GPATCH8: variants seen among roughly 807,000 people sequenced by gnomAD.
GPATCH8 encodes the protein G-patch domain containing 8.
GPATCH8 carries 18 observed loss-of-function variants against 118.3 expected under a neutral mutation model. That is an observed-to-expected ratio of 0.15 (90% CI 0.11 to 0.23). The LOEUF (loss-of-function observed/expected upper bound fraction) is 0.23, where lower values mean the gene tolerates loss of function less well. Among genes scored for constraint, GPATCH8 ranks in the 10% least tolerant of loss-of-function variants. The pLI, the probability that GPATCH8 is intolerant of heterozygous loss-of-function variation, is 1.00. For synonymous variants in GPATCH8, 659 were observed against 684.7 expected (o/e 0.96, Z 0.59); for missense variants, 1,631 against 1,873.8 (o/e 0.87, Z 2.39).
chr17:44,400,833 C>T lies in GPATCH8; in HGVS notation c.1244G>A (p.Arg415Lys), dbSNP rs773485801. ...KPNFPFLLFMRASEQMDGDNT... is the reference protein window; with the variant it reads ...KPNFPFLLFMKASEQMDGDNT... Reference sequence around the variant, plus strand: ...ATCACCATCCATTTGTTCACTGGCTCTCATAAAAAGTAGAAAGGGAAAATT... The same window carrying T: ...ATCACCATCCATTTGTTCACTGGCTTTCATAAAAAGTAGAAAGGGAAAATT... The change falls in exon 8 of 8, where the codon AGA becomes AAA. Residue 415 changes from arginine (R) to lysine (K), a missense_variant. By Grantham distance (26) the Arg-to-Lys change is conservative. Around this residue, in one of 8 missense-constraint regions of GPATCH8, gnomAD observed 405 missense variants for 462.7 expected, o/e 0.88. Transcript: ENST00000591680. 1 of 1,614,140 alleles carries T rather than the reference C, an allele frequency of 6.2e-7. No homozygotes were observed. Among genetic ancestry groups the T allele is most frequent in the Non-Finnish European group, 8.5e-7 (1 of 1,179,998 alleles).
At position 44,399,578 on chromosome 17, in the gene GPATCH8, T is replaced by G. The variant is rs374128961; in HGVS notation, c.2499A>C (p.Pro833=). The change falls in exon 8 of 8, where the codon CCA becomes CCC. Residue 833 remains proline, a synonymous_variant. Coordinates refer to ENST00000591680, the MANE Select transcript of GPATCH8 (RefSeq NM_001002909.4). ...CTTCTTCTTCCTCACTGTACTGGGATGGAGACTTCTGGTGCAGCCGGTGTG... is the reference window on the plus strand; with the variant it reads ...CTTCTTCTTCCTCACTGTACTGGGAGGGAGACTTCTGGTGCAGCCGGTGTG... The part of the protein sequence containing the change: ...ASSHRLHQKS[P]SQYSEEEEEE... 6.8e-6 allele frequency: 11 copies of G among 1,614,052 alleles called. No homozygotes were observed. Among genetic ancestry groups the G allele is most frequent in the African/African-American group, 1.3e-5 (1 of 74,932 alleles).
chr17:44,410,060 A>G (rs2049375777), intron 6 of GPATCH8, among the ~76,000 whole-genome samples: 1 of 152,214 alleles, frequency 6.6e-6, no homozygotes, highest in African/African-American at 2.4e-5. Flanking sequence ...ATTTCTAGAC[A>G]GAATTGGGCC....
chr17:44,400,804 T>G lies in GPATCH8; in HGVS notation c.1273A>C (p.Thr425Pro). The G allele has an allele frequency of 6.2e-7, 1 of 1,614,086 alleles. No individual in the cohort carries two copies. The highest frequency in any genetic ancestry group is 8.5e-7 in the Non-Finnish European group (1 of 1,179,902). The change falls in exon 8 of 8, where the codon ACT (threonine) becomes CCT (proline). Residue 425 changes from threonine (T) to proline (P), a missense_variant. Coordinates refer to ENST00000591680, the MANE Select transcript of GPATCH8 (RefSeq NM_001002909.4). ...TCTGGGGCATTCTTTGGGTGTGTAGTATTATCACCATCCATTTGTTCACTG... is the reference window on the plus strand; with the variant it reads ...TCTGGGGCATTCTTTGGGTGTGTAGGATTATCACCATCCATTTGTTCACTG... ...RASEQMDGDN[T>P]THPKNAPESK...
At chr17:44,475,158 C>A (rs1002104587) in intron 1 of GPATCH8, among the ~76,000 whole-genome samples, 8 of 151,728 alleles carry the variant, frequency 5.3e-5, no homozygotes, top group African/African-American at 1.9e-4. Context: ...GCAGGTGGAT[C>A]ACCTGAGGTC....
Position 44,400,368 on chromosome 17 carries a change from T to C in GPATCH8, c.1709A>G (p.Asn570Ser). The part of the protein sequence containing the change: ...KAEPSISYSC[N>S]PLYFDFKLSR... The stretch of plus-strand genomic sequence containing the variant: ...AAGTTTAAAGTCAAAATATAAAGGG[T>C]TACAACTGTATGAAATGGAGGGTTC... Residue 570 changes from asparagine (N) to serine (S), a missense_variant, in exon 8 of 8, where the codon AAC becomes AGC. Asn to Ser is a conservative substitution (Grantham distance 46). Coordinates refer to ENST00000591680, the MANE Select transcript of GPATCH8 (RefSeq NM_001002909.4). 1 of 1,613,910 alleles carries C rather than the reference T, an allele frequency of 6.2e-7. No individual in the cohort carries two copies. Among genetic ancestry groups the C allele is most frequent in the South Asian group, 1.1e-5 (1 of 91,078 alleles).
At chr17:44,427,346 T>G (rs1239556807) in intron 5 of GPATCH8, among the ~76,000 whole-genome samples, 1 of 151,926 alleles carries the variant, frequency 6.6e-6, no homozygotes, top group East Asian at 1.9e-4. Context: ...TATATATAAA[T>G]AATTCAAGAA....
At chr17:44,432,162 G>A (rs2050341242) in intron 5 of GPATCH8, among the ~76,000 whole-genome samples, 1 of 151,682 alleles carries the variant, frequency 6.6e-6, no homozygotes, top group South Asian at 2.1e-4. Flanking sequence ...CAGGAAAGAA[G>A]TGGAAGGTCT....
At chr17:44,401,858 G>C (rs1467426878) in intron 7 of GPATCH8, among the ~76,000 whole-genome samples, 2 of 152,066 alleles carry the variant, frequency 1.3e-5, no homozygotes, top group East Asian at 3.9e-4. Flanking sequence ...ACAAAAATTA[G>C]CCAGGCATGG....
Position 44,503,216 on chromosome 17 carries a change from T to G in GPATCH8, c.45+110A>C, listed in dbSNP as rs944605420. 5.0e-6 allele frequency: 5 copies of G among 992,658 alleles called. No homozygotes were observed. The African/African-American group carries it at 8.0e-5, about 16-fold the overall frequency. The allele number at this position is 992,658 out of a possible 1,614,324, so 61.5% of individuals were successfully genotyped here. A position where few individuals can be genotyped will look rare whatever the true frequency, so the allele number is the denominator to read the frequency against. On this transcript the variant is annotated intron_variant, in intron 1 of 7. Transcript: ENST00000591680. ...CAGAGACGGGAGAAGAGCGAGCTGGTTCGCAAGTCGGAGCAAAACTGGAAG... is the reference window on the plus strand; with the variant it reads ...CAGAGACGGGAGAAGAGCGAGCTGGGTCGCAAGTCGGAGCAAAACTGGAAG...
chr17:44,398,909 A>G lies in GPATCH8; in HGVS notation c.3168T>C (p.Asp1056=). ...GPGKKDDGRG[D]DSKATGPPSQ... is the part of the protein sequence containing the mutation. ...AAGGTGGACCTGTTGCTTTACTGTC[A>G]TCTCCTCTGCCATCATCTTTCTTCC... Residue 1056 remains aspartate, a synonymous_variant, in exon 8 of 8, where the codon GAT becomes GAC. Transcript: ENST00000591680. 1 of 1,614,062 alleles carries G rather than the reference A, an allele frequency of 6.2e-7. No individual in the cohort carries two copies. Among genetic ancestry groups the G allele is most frequent in the East Asian group, 2.2e-5 (1 of 44,890 alleles).
At chr17:44,461,396 G>A (rs1210242014) in intron 3 of GPATCH8, among the ~76,000 whole-genome samples, 2 of 151,810 alleles carry the variant, frequency 1.3e-5, no homozygotes, top group Admixed American at 6.6e-5. Flanking sequence ...TATTGCCCAG[G>A]CTGGTCTCAA....
chr17:44,398,393 T>C lies in GPATCH8; in HGVS notation c.3684A>G (p.Ala1228=), dbSNP rs2048861327. The C allele has an allele frequency of 6.2e-7, 1 of 1,613,912 alleles. No individual in the cohort carries two copies. Among genetic ancestry groups the C allele is most frequent in the Admixed American group, 1.7e-5 (1 of 60,000 alleles). The change falls in exon 8 of 8, where the codon GCA becomes GCG. Residue 1228 remains alanine (A), a synonymous_variant. Transcript: ENST00000591680. ...GGTCCCCAGGGTAGCAGTCAGAATG[T>C]GCTGGGGTGCCTAGTGGAGCCACAG... is the stretch of plus-strand genomic sequence containing the variant. ...DHPVAPLGTP[A]HSDCYPGDPT...
chr17:44,407,676 A>C (rs11079122), intron 6 of GPATCH8, among the ~76,000 whole-genome samples: 60,873 of 144,556 alleles, frequency 0.42, 13,561 homozygotes, highest in Middle Eastern at 0.54. Context: ...TTTTTTTTTG[A>C]GATGGAGTCT....
chr17:44,488,480 T>C (rs1014966481), intron 1 of GPATCH8, among the ~76,000 whole-genome samples: 1 of 151,406 alleles, frequency 6.6e-6, no homozygotes, highest in Admixed American at 6.6e-5. Flanking sequence ...GCAATTCTCC[T>C]GCCTCAGCCT....
Position 44,402,014 on chromosome 17 carries a change from A to G in GPATCH8, c.624-561T>C, listed in dbSNP as rs2049041585. On this transcript the variant is annotated intron_variant, in intron 7 of 7. Transcript: ENST00000591680. ...GCGAGACTCCCTCTCAAAAAAATTA[A>G]AAAAAAAAATAAAAAATAAAGTACA... is the stretch of plus-strand genomic sequence containing the variant. Among the ~76,000 whole-genome samples the G allele has an allele frequency of 7.5e-5, 8 of 107,092 alleles. No individual in the cohort carries two copies. In the Admixed American group the frequency reaches 8.0e-4, roughly 11 times the overall value. The allele number at this position is 107,092 out of a possible 152,430, so 70.3% of individuals were successfully genotyped here.
At chr17:44,421,753 G>T (rs889716328) in intron 6 of GPATCH8, among the ~76,000 whole-genome samples, 1 of 150,830 alleles carries the variant, frequency 6.6e-6, no homozygotes, top group African/African-American at 2.4e-5. Flanking sequence ...TTGAGACAGG[G>T]TCTTGCTCTG....
At chr17:44,424,759 C>G (rs1236554100) in intron 5 of GPATCH8, among the ~76,000 whole-genome samples, 1 of 151,974 alleles carries the variant, frequency 6.6e-6, no homozygotes, top group Non-Finnish European at 1.5e-5. Context: ...TCCAAAACCC[C>G]CAAAAAATCT....
At chr17:44,463,763 A>T (rs11079156) in intron 3 of GPATCH8, among the ~76,000 whole-genome samples, 91,558 of 152,146 alleles carry the variant, frequency 0.6, 27,762 homozygotes, top group Middle Eastern at 0.66. Context: ...AGCTAAAAAG[A>T]GAACGCAGTT....
intron 1 of GPATCH8, among the ~76,000 whole-genome samples, chr17:44,483,196 T>TATATATATATATATAC (rs1968464535): frequency 3.0e-5 from 2 of 66,754 alleles, no homozygotes; most frequent in African/African-American, 1.1e-4. Context: ...TATATATATA[T>TATATATATATATATAC]ATATATATAT....
Sources: gnomAD v4.1 joint callset for allele counts (sites outside exome capture counted in the v4.1 genomes callset) on GRCh38, gnomAD v4.1.1 for gene constraint, gnomAD v4.1.1 regional missense constraint, MANE v1.5 for transcripts, NCBI Gene and HGNC (gene_info 2026-07-23, HGNC 2026-07-21) for gene names.